Variants in AHCYL2 observed in about 807,000 individuals in gnomAD.
AHCYL2 encodes the protein S-adenosylhomocysteine hydrolase-like protein 2.
AHCYL2 carries 28 observed loss-of-function variants against 81.4 expected under a neutral mutation model. That is an observed-to-expected ratio of 0.34 (90% CI 0.25 to 0.47). The LOEUF is 0.47. Among genes scored for constraint, AHCYL2 ranks in the 20% least tolerant of loss-of-function variants. The probability of loss-of-function intolerance (pLI) is 1.00; values close to 1 mark genes in which losing one functional copy is unlikely to be tolerated. For missense variants in AHCYL2, 551 were observed against 785.1 expected (o/e 0.70, Z 3.56); for synonymous variants, 272 against 290.2 (o/e 0.94, Z 0.64).
Position 129,242,124 on chromosome 7 carries a change from G to T in AHCYL2, c.363+16685G>T, listed in dbSNP as rs1794881670. On this transcript the variant is annotated intron_variant, in intron 1 of 16. Coordinates refer to ENST00000325006, the MANE Select transcript of AHCYL2 (RefSeq NM_015328.4). ...CAGCCCTCTTTTTTACTTAACTTTAGAGTTTTAGCCAGTTTGATACATGTA... is the reference window on the plus strand; with the variant it reads ...CAGCCCTCTTTTTTACTTAACTTTATAGTTTTAGCCAGTTTGATACATGTA... 1.3e-5 allele frequency among the ~76,000 whole-genome samples: 2 copies of T among 151,930 alleles called. 1 individual carries two copies. Among genetic ancestry groups the T allele is most frequent in the Middle Eastern group, 6.3e-3 (2 of 316 alleles).
chr7:129,331,665 A>G (rs183087736), intron 1 of AHCYL2, among the ~76,000 whole-genome samples: 7 of 151,604 alleles, frequency 4.6e-5, no homozygotes, highest in Non-Finnish European at 7.4e-5. Flanking sequence ...AAAATAATGA[A>G]ACCCCGTCTC....
At chr7:129,272,570 A>G (rs565840385) in intron 1 of AHCYL2, among the ~76,000 whole-genome samples, 2 of 152,174 alleles carry the variant, frequency 1.3e-5, no homozygotes, top group Non-Finnish European at 2.9e-5. Context: ...TGAAACACAG[A>G]GAGAAAAGTG....
At chr7:129,246,321 G>A (rs1795056055) in intron 1 of AHCYL2, among the ~76,000 whole-genome samples, 1 of 152,118 alleles carries the variant, frequency 6.6e-6, no homozygotes, top group Admixed American at 6.5e-5. Flanking sequence ...GCCTCCCAAA[G>A]TGCTGGGATT....
intron 10 of AHCYL2, among the ~76,000 whole-genome samples, chr7:129,408,814 G>T (rs1796424335): frequency 6.6e-6 from 1 of 152,222 alleles, no homozygotes; most frequent in South Asian, 2.1e-4. Flanking sequence ...GCAATTAAGA[G>T]AAGTAAGAGG....
chr7:129,320,184 C>CTTTT (rs1797966110), intron 1 of AHCYL2, among the ~76,000 whole-genome samples: 2 of 151,798 alleles, frequency 1.3e-5, no homozygotes, highest in Middle Eastern at 3.2e-3. Flanking sequence ...TGTCTTTTTG[C>CTTTT]CTAATTTTTA....
intron 1 of AHCYL2, among the ~76,000 whole-genome samples, chr7:129,253,960 G>GT (rs1563167813): frequency 6.6e-6 from 1 of 152,064 alleles, no homozygotes; most frequent in Non-Finnish European, 1.5e-5. Context: ...CAAACACAAG[G>GT]TAAAAAGCTG....
In AHCYL2 at chr7:129,386,326, C is replaced by G. The variant is rs139248477; in HGVS notation, c.476-2730C>G. Among the ~76,000 whole-genome samples, 29 of 152,038 alleles carry G rather than the reference C, an allele frequency of 1.9e-4. 2 individuals carry two copies. In the East Asian group the frequency reaches 5.6e-3, roughly 30 times the overall value. On this transcript the variant is annotated intron_variant, in intron 2 of 16. Transcript: ENST00000325006. ...AAAAAGGCAAAAATTAGCCAGGCAC[C>G]GTGGTGGGCTCCTGTAATCCCAGCT...
At chr7:129,249,130 T>G (rs1795161272) in intron 1 of AHCYL2, among the ~76,000 whole-genome samples, 1 of 151,486 alleles carries the variant, frequency 6.6e-6, no homozygotes, top group South Asian at 2.1e-4. Context: ...CCGGAGTAGC[T>G]GGGACTACAG....
At position 129,349,651 on chromosome 7, in the gene AHCYL2, C is replaced by CAAAA. The variant is rs34969591; in HGVS notation, c.364-29969_364-29966dup. The stretch of plus-strand genomic sequence containing the variant: ...TGGGCAACAATGCAAGACTCTGTTT[C>CAAAA]AAAAAAAAAAAAAAAAAAAAAGCGT... On this transcript the variant is annotated intron_variant, in intron 1 of 16. Transcript: ENST00000325006. Among the ~76,000 whole-genome samples, 31 of 86,026 alleles carry CAAAA rather than the reference C, an allele frequency of 3.6e-4. 1 individual carries two copies. The highest frequency in any genetic ancestry group is 1.3e-3 in the African/African-American group (25 of 19,664). The allele number at this position is 86,026 out of a possible 152,430, so 56.4% of individuals were successfully genotyped here.
intron 11 of AHCYL2, among the ~76,000 whole-genome samples, chr7:129,410,701 G>A (rs1796527475): frequency 2.0e-5 from 3 of 152,308 alleles, no homozygotes; most frequent in South Asian, 4.1e-4. Context: ...AATTCCCAAA[G>A]AGGTAGATTT....
chr7:129,393,932 T>C (rs1795588341), intron 4 of AHCYL2, among the ~76,000 whole-genome samples: 1 of 152,198 alleles, frequency 6.6e-6, no homozygotes, highest in South Asian at 2.1e-4. Context: ...CCCATAGATT[T>C]TGAGCACTCC....
At chr7:129,357,607 A>G (rs184687644) in intron 1 of AHCYL2, among the ~76,000 whole-genome samples, 1 of 152,284 alleles carries the variant, frequency 6.6e-6, no homozygotes, top group Non-Finnish European at 1.5e-5. Flanking sequence ...TCTTCACATA[A>G]GATGATGTCC....
intron 1 of AHCYL2, among the ~76,000 whole-genome samples, chr7:129,249,911 G>C (rs945853945): frequency 6.6e-6 from 1 of 152,118 alleles, no homozygotes; most frequent in East Asian, 1.9e-4. Flanking sequence ...TTCTTTTTAA[G>C]GCCGAGTAAT....
chr7:129,346,863 C>T (rs1027252452), intron 1 of AHCYL2, among the ~76,000 whole-genome samples: 4 of 151,952 alleles, frequency 2.6e-5, no homozygotes, highest in African/African-American at 7.3e-5. Flanking sequence ...TTATAATTGC[C>T]GAAATTTGGA....
At chr7:129,407,693 T>A (rs1176216251) in intron 10 of AHCYL2, among the ~76,000 whole-genome samples, 1 of 152,238 alleles carries the variant, frequency 6.6e-6, no homozygotes, top group Non-Finnish European at 1.5e-5. Flanking sequence ...CATTAGATAC[T>A]GTGCTATGTG....
chr7:129,416,692 C>T (rs540467643), intron 12 of AHCYL2, among the ~76,000 whole-genome samples: 1 of 152,204 alleles, frequency 6.6e-6, no homozygotes, highest in Non-Finnish European at 1.5e-5. Flanking sequence ...CCCAGCTACT[C>T]AGGAGGCTGA....
rs1464616968 is a variant in AHCYL2 at position 129,406,862 on chromosome 7, G to A, written c.1295+396G>A. ...ATGTATAACCTGAATCTAATTGTGA[G>A]GAAACATTAGACCAATCCCAGTTAA... On this transcript the variant is annotated intron_variant, in intron 10 of 16. Transcript: ENST00000325006. The surrounding 1 kb of genome is among the most constrained non-coding windows in gnomAD (Gnocchi z 4.3). 6.6e-6 allele frequency among the ~76,000 whole-genome samples: 1 copy of A among 152,154 alleles called. No individual in the cohort carries two copies. Among genetic ancestry groups the A allele is most frequent in the Non-Finnish European group, 1.5e-5 (1 of 68,034 alleles).
At chr7:129,316,716 C>T (rs1441736443) in intron 1 of AHCYL2, among the ~76,000 whole-genome samples, 3 of 152,166 alleles carry the variant, frequency 2.0e-5, no homozygotes, top group Non-Finnish European at 4.4e-5. Context: ...CCATTATATG[C>T]TTTATGCATT....
rs1178919610 is a variant in AHCYL2 at position 129,338,323 on chromosome 7, AT to A, written c.364-41305del. ...ACCACCACGCCTGGCTAATTTGTAA[AT>A]TTTTTTTTTCTGTAGAGACTGGAGG... On this transcript the variant is annotated intron_variant, in intron 1 of 16. Transcript: ENST00000325006. 2.7e-5 allele frequency among the ~76,000 whole-genome samples: 4 copies of A among 149,474 alleles called. No individual in the cohort carries two copies. In the East Asian group the frequency reaches 7.9e-4, roughly 30 times the overall value.
Sources: allele counts gnomAD v4.1 joint callset (sites outside exome capture counted in the v4.1 genomes callset), GRCh38; gene constraint gnomAD v4.1.1; non-coding constraint Gnocchi (gnomAD v3.1); transcripts MANE v1.5; gene names NCBI Gene and HGNC (gene_info 2026-07-23, HGNC 2026-07-21).